WDR64: variants seen among roughly 807,000 people sequenced by gnomAD.
The protein encoded by WDR64 is WD repeat-containing protein 64.
Under a neutral mutation model 139.3 loss-of-function variants are expected in WDR64, and 112 were observed. The observed-to-expected ratio is 0.80, with a 90% CI of 0.69 to 0.94. The LOEUF is 0.94. Among genes scored for constraint, WDR64 ranks in the 40% least tolerant of loss-of-function variants. The probability of loss-of-function intolerance (pLI) is 0.00; values close to 1 mark genes in which losing one functional copy is unlikely to be tolerated. For missense variants in WDR64, 1,206 were observed against 1,293.1 expected, an observed-to-expected ratio of 0.93 and a Z score of 1.03; for synonymous variants, 444 against 437.7, an observed-to-expected ratio of 1.01 and a Z score of -0.18.
At position 241,678,200 on chromosome 1, in the gene WDR64, C is replaced by G; in HGVS notation, c.497C>G (p.Thr166Ser). Residue 166 changes from threonine to serine, a missense_variant, in exon 5 of 28, where the codon ACC (threonine) becomes AGC (serine). By Grantham distance (58) the Thr-to-Ser change is moderately conservative. Coordinates refer to ENST00000437684, the MANE Select transcript of WDR64 (RefSeq NM_001367482.1). ...TVFNNQMRVQ[T>S]STNVTDTSWI... ...CTTTGTTCATAGATGAGAGTTCAGA[C>G]CAGCACCAATGTTACAGTAAGTACA... The G allele has an allele frequency of 2.5e-6, 1 of 398,886 alleles. No individual in the cohort carries two copies. Among genetic ancestry groups the G allele is most frequent in the South Asian group, 1.3e-4 (1 of 7,854 alleles). 24.7% of individuals were successfully genotyped at this position (398,886 alleles called of 1,614,324 possible).
At chr1:241,766,587 T>C (rs1163784275) in intron 16 of WDR64, among the ~76,000 whole-genome samples, 2 of 151,792 alleles carry the variant, frequency 1.3e-5, no homozygotes, top group African/African-American at 2.4e-5. Flanking sequence ...TGTAATCCTA[T>C]CTAATGGAGA....
intron 2 of WDR64, among the ~76,000 whole-genome samples, chr1:241,669,262 C>T (rs971092083): frequency 6.6e-6 from 1 of 152,196 alleles, no homozygotes; most frequent in Non-Finnish European, 1.5e-5. Flanking sequence ...CCCTGGACCA[C>T]CTGACTCCAC....
At chr1:241,746,617 T>C (rs147201774) in intron 13 of WDR64, among the ~76,000 whole-genome samples, 2 of 151,932 alleles carry the variant, frequency 1.3e-5, no homozygotes, top group Non-Finnish European at 2.9e-5. Context: ...CAAACTGCAG[T>C]AGAACAATAC....
intron 10 of WDR64, among the ~76,000 whole-genome samples, chr1:241,731,073 G>C (rs1049532597): frequency 6.6e-6 from 1 of 152,166 alleles, no homozygotes; most frequent in Non-Finnish European, 1.5e-5. Context: ...TACAAAGCCA[G>C]TGTACTTTAC....
chr1:241,670,803 A>C (rs1474727293), intron 2 of WDR64, among the ~76,000 whole-genome samples: 1 of 152,130 alleles, frequency 6.6e-6, no homozygotes, highest in Non-Finnish European at 1.5e-5. Flanking sequence ...CTAGTGCCTG[A>C]TGATCTGAGG....
At chr1:241,664,924 C>A (rs181458393) in intron 2 of WDR64, among the ~76,000 whole-genome samples, 2 of 152,032 alleles carry the variant, frequency 1.3e-5, no homozygotes, top group African/African-American at 4.8e-5. Context: ...GGGCCAGGTG[C>A]GGTGTCTAAT....
intron 7 of WDR64, among the ~76,000 whole-genome samples, chr1:241,684,450 G>T (rs1666931044): frequency 6.6e-6 from 1 of 152,086 alleles, no homozygotes; most frequent in South Asian, 2.1e-4. Context: ...TTTGAGAAAG[G>T]TATGTATTAC....
intron 10 of WDR64, among the ~76,000 whole-genome samples, chr1:241,728,310 G>A (rs1668929607): frequency 6.6e-6 from 1 of 151,558 alleles, no homozygotes. Flanking sequence ...TCCAGCCTGG[G>A]CAATAGAGCG....
intron 21 of WDR64, among the ~76,000 whole-genome samples, chr1:241,779,288 T>C (rs1007931939): frequency 2.6e-5 from 4 of 152,206 alleles, no homozygotes; most frequent in Non-Finnish European, 4.4e-5. Context: ...TCAAGACTCT[T>C]TTTTATACCT....
At chr1:241,773,268 G>C (rs1225406841) in intron 20 of WDR64, among the ~76,000 whole-genome samples, 1 of 152,138 alleles carries the variant, frequency 6.6e-6, no homozygotes, top group Non-Finnish European at 1.5e-5. Flanking sequence ...TACCCGTATT[G>C]AGAAAAGAAT....
intron 12 of WDR64, 65 bp from the exon 13 acceptor site, chr1:241,744,328 A>G: frequency 1.3e-6 from 2 of 1,595,284 alleles, no homozygotes; most frequent in Non-Finnish European, 8.5e-7. Context: ...AATATGGTGT[A>G]ATTCTGATGA....
intron 8 of WDR64, among the ~76,000 whole-genome samples, chr1:241,687,849 T>C (rs540202274): frequency 4.5e-4 from 68 of 152,226 alleles, no homozygotes; most frequent in Non-Finnish European, 6.3e-4. Flanking sequence ...AATTAATCAA[T>C]ACGAGTGCAT....
intron 18 of WDR64, 71 bp downstream of exon 18, chr1:241,770,761 C>T: frequency 5.1e-6 from 7 of 1,360,594 alleles, no homozygotes; most frequent in Non-Finnish European, 7.1e-6. Context: ...TGCTATTGAG[C>T]ACATTTGAGC....
chr1:241,800,628 C>T (rs1010404011), intron 27 of WDR64, among the ~76,000 whole-genome samples: 1 of 152,104 alleles, frequency 6.6e-6, no homozygotes, highest in Non-Finnish European at 1.5e-5. Flanking sequence ...GCCTGGGTGA[C>T]AGAGCAAGAC....
chr1:241,787,890 G>A lies in WDR64; in HGVS notation c.2747G>A (p.Gly916Glu), dbSNP rs766931440. The A allele has an allele frequency of 6.2e-7, 1 of 1,608,860 alleles. No individual in the cohort carries two copies. Among genetic ancestry groups the A allele is most frequent in the Non-Finnish European group, 8.5e-7 (1 of 1,178,266 alleles). The change falls in exon 24 of 28, where the codon GGA becomes GAA. Residue 916 changes from glycine to glutamate, a missense_variant. Transcript: ENST00000437684. ...AATGGACATTATTGTGGATATTTTG[G>A]ACAGCGAAGGCTCTTTGAATTATCA... is the stretch of plus-strand genomic sequence containing the variant. ...ALNGHYCGYF[G>E]QRRLFELSQT...
In WDR64 at chr1:241,770,713, C is replaced by T. The variant is rs528555768; in HGVS notation, c.2253+23C>T. 3.4e-5 allele frequency: 53 copies of T among 1,547,444 alleles called. 2 individuals carry two copies. In the South Asian group the frequency reaches 5.7e-4, roughly 17 times the overall value. ...AAGGTAAGCAAGACACAGACAGGGT[C>T]TGTCTTCCTGTCATACTCAATGTTG... On this transcript the variant is annotated intron_variant, in intron 18 of 27. Coordinates refer to ENST00000437684, the MANE Select transcript of WDR64 (RefSeq NM_001367482.1).
At chr1:241,694,108 CA>C (rs11326800) in intron 8 of WDR64, among the ~76,000 whole-genome samples, 6,173 of 140,320 alleles carry the variant, frequency 0.044, 422 homozygotes, top group African/African-American at 0.15. Context: ...GAAATTCATA[CA>C]AAAAAAAAAG....
chr1:241,757,609 T>G, intron 15 of WDR64, 150 bp downstream of exon 15: 1 of 563,550 alleles, frequency 1.8e-6, no homozygotes, highest in Non-Finnish European at 2.9e-6. Flanking sequence ...AACTTACTCC[T>G]TATTTCCACC....
intron 10 of WDR64, among the ~76,000 whole-genome samples, chr1:241,731,103 G>A (rs946633576): frequency 3.9e-5 from 6 of 152,086 alleles, no homozygotes; most frequent in South Asian, 2.1e-4. Context: ...TGTGCAAAGA[G>A]GTTCACTACT....
Sources: gnomAD v4.1 joint callset for allele counts (sites outside exome capture counted in the v4.1 genomes callset) on GRCh38, gnomAD v4.1.1 for gene constraint, MANE v1.5 for transcripts, NCBI Gene and HGNC (gene_info 2026-07-23, HGNC 2026-07-21) for gene names.